Variants in MCPH1 observed in about 807,000 individuals in gnomAD.
MCPH1 encodes microcephalin 1, also known as microcephalin.
In MCPH1, 104 loss-of-function variants were observed where a neutral mutation model predicts 84.5. The observed-to-expected ratio is 1.23, with a 90% CI of 1.05 to 1.45. The LOEUF (loss-of-function observed/expected upper bound fraction) is 1.45. MCPH1 is among the 40% of genes most tolerant of loss of function. The probability of loss-of-function intolerance (pLI) is 0.00; values close to 1 mark genes in which losing one functional copy is unlikely to be tolerated. For synonymous variants in MCPH1, 514 were observed against 366.8 expected, an observed-to-expected ratio of 1.40 and a Z score of -4.58; for missense variants, 1,498 against 1,005.7, an observed-to-expected ratio of 1.49 and a Z score of -6.62.
At chr8:6,461,054 A>T (rs1446548318) in intron 9 of MCPH1, among the ~76,000 whole-genome samples, 1 of 152,166 alleles carries the variant, frequency 6.6e-6, no homozygotes, top group Non-Finnish European at 1.5e-5. Context: ...AGGCCAACTC[A>T]AGAGAAATGA....
At chr8:6,590,632 G>A (rs1025594808) in intron 12 of MCPH1, among the ~76,000 whole-genome samples, 7 of 152,190 alleles carry the variant, frequency 4.6e-5, no homozygotes, top group Non-Finnish European at 1.0e-4. Flanking sequence ...ATTGTCACAA[G>A]CAATAGCTTA....
intron 12 of MCPH1, among the ~76,000 whole-genome samples, chr8:6,536,383 C>T (rs1424561044): frequency 7.0e-6 from 1 of 142,660 alleles, no homozygotes; most frequent in Non-Finnish European, 1.5e-5. Flanking sequence ...CCAGAGGCCG[C>T]TTCATACTTT....
chr8:6,542,384 G>T (rs1446665590), intron 12 of MCPH1, among the ~76,000 whole-genome samples: 4 of 152,046 alleles, frequency 2.6e-5, no homozygotes, highest in African/African-American at 4.8e-5. Context: ...ACTTGTGTGT[G>T]TGTGTTTCAG....
chr8:6,620,601 C>T (rs1036474438), intron 12 of MCPH1, among the ~76,000 whole-genome samples: 5 of 152,148 alleles, frequency 3.3e-5, no homozygotes, highest in Admixed American at 6.5e-5. Flanking sequence ...TTGTGTGAAC[C>T]ATTAATTTCA....
At chr8:6,568,442 T>C in intron 12 of MCPH1, among the ~76,000 whole-genome samples, 1 of 152,306 alleles carries the variant, frequency 6.6e-6, no homozygotes, top group East Asian at 1.9e-4. Flanking sequence ...CCCCCAGCTA[T>C]GGGTTGCCAA....
In MCPH1 at chr8:6,506,720, A is replaced by G. The variant is rs151275414; in HGVS notation, c.2214+6791A>G. 3.5e-3 allele frequency among the ~76,000 whole-genome samples: 538 copies of G among 151,962 alleles called. 1 individual carries two copies. Among genetic ancestry groups the G allele is most frequent in the African/African-American group, 0.011 (469 of 41,464 alleles). On this transcript the variant is annotated intron_variant, in intron 12 of 13. Transcript: ENST00000344683. ...CTCATTGGTGTAATAATGGTGTAAC[A>G]TAGGGAGGACCTGTGGTACCAAATA...
intron 12 of MCPH1, among the ~76,000 whole-genome samples, chr8:6,594,324 C>T (rs1427970691): frequency 6.6e-6 from 1 of 152,206 alleles, no homozygotes; most frequent in Non-Finnish European, 1.5e-5. Flanking sequence ...TTACCCAGGG[C>T]ACCTCTGGAC....
intron 11 of MCPH1, among the ~76,000 whole-genome samples, chr8:6,486,443 T>A (rs1376899426): frequency 6.6e-6 from 1 of 152,168 alleles, no homozygotes; most frequent in Non-Finnish European, 1.5e-5. Flanking sequence ...TTTCAGGGTT[T>A]GTGTGGTATT....
intron 9 of MCPH1, chr8:6,474,031 A>G (rs535113499): frequency 8.4e-6 from 7 of 835,042 alleles, no homozygotes; most frequent in African/African-American, 1.7e-5. Context: ...TCTCATTATA[A>G]CCCCTCATTT....
intron 12 of MCPH1, among the ~76,000 whole-genome samples, chr8:6,569,841 A>G (rs1376972165): frequency 2.0e-5 from 3 of 152,192 alleles, no homozygotes; most frequent in Non-Finnish European, 4.4e-5. Context: ...GACAGAAGCC[A>G]TTTCACTGCC....
At chr8:6,516,081 C>T (rs1173754706) in intron 12 of MCPH1, among the ~76,000 whole-genome samples, 1 of 152,144 alleles carries the variant, frequency 6.6e-6, no homozygotes, top group Non-Finnish European at 1.5e-5. Context: ...GTATTGCCTT[C>T]CCCAGTGGCA....
chr8:6,529,770 A>C (rs557411357), intron 12 of MCPH1, among the ~76,000 whole-genome samples: 3 of 151,844 alleles, frequency 2.0e-5, no homozygotes, highest in Non-Finnish European at 4.4e-5. Flanking sequence ...CAGCTGGCTC[A>C]GCCATTTTCA....
rs55804146 is a variant in MCPH1 at position 6,562,552 on chromosome 8, CTTTTT to C, written c.2215-58887_2215-58883del. 6.6e-3 allele frequency: 484 copies of C among 73,636 alleles called. 3 individuals are homozygous for C. The highest frequency in any genetic ancestry group is 0.035 in the East Asian group (212 of 5,980). The allele number at this position is 73,636 out of a possible 1,614,324, so 4.6% of individuals were successfully genotyped here. On this transcript the variant is annotated intron_variant, in intron 12 of 13. Transcript: ENST00000344683. ...AGCTCTAATCCTCTTCATCCTCCTTCTTTTTTTTTTTTTTTTTTTGGTTGTTAAAA... is the reference window on the plus strand; with the variant it reads ...AGCTCTAATCCTCTTCATCCTCCTTCTTTTTTTTTTTTTTGGTTGTTAAAA...
intron 9 of MCPH1, among the ~76,000 whole-genome samples, chr8:6,475,925 G>C (rs73196802): frequency 0.12 from 18,390 of 152,122 alleles, 1,233 homozygotes; most frequent in Middle Eastern, 0.24. Context: ...AGGTGTATAA[G>C]GCAGATCCCT....
At chr8:6,430,804 A>C (rs1460160612) in intron 3 of MCPH1, among the ~76,000 whole-genome samples, 3 of 152,200 alleles carry the variant, frequency 2.0e-5, no homozygotes, top group Non-Finnish European at 4.4e-5. Context: ...TTTAAGATTA[A>C]TATTTCAGGA....
chr8:6,432,705 G>A (rs1802021684), intron 4 of MCPH1, among the ~76,000 whole-genome samples: 1 of 152,184 alleles, frequency 6.6e-6, no homozygotes, highest in Middle Eastern at 3.2e-3. Flanking sequence ...CCTGAAAATA[G>A]TAAATGATAT....
At chr8:6,446,014 T>A (rs541961311) in intron 8 of MCPH1, 64 of 979,646 alleles carry the variant, frequency 6.5e-5, no homozygotes, top group Non-Finnish European at 7.6e-5. Flanking sequence ...AAAACTACTT[T>A]TAGAAATCTG....
intron 12 of MCPH1, chr8:6,513,582 C>T (rs1242424951): frequency 7.7e-5 from 73 of 943,748 alleles, no homozygotes; most frequent in Non-Finnish European, 4.6e-6. Flanking sequence ...ATCTGCCCAC[C>T]TCGGCCTCCC....
Position 6,445,314 on chromosome 8 carries a change from A to C in MCPH1, c.1592A>C (p.Asp531Ala). Residue 531 changes from aspartate (D) to alanine (A), a missense_variant, in exon 8 of 14, where the codon GAC (aspartate) becomes GCC (alanine). Physicochemically the swap from Asp to Ala is moderately radical, Grantham distance 126. Transcript: ENST00000344683. ...EGNGFSYTIE[D>A]PALPKGHDDD... is the part of the protein sequence containing the mutation. Reference sequence around the variant, plus strand: ...AATGGCTTTTCTTACACCATTGAGGACCCTGCTCTTCCAAAAGGACATGAT... The same window carrying C: ...AATGGCTTTTCTTACACCATTGAGGCCCCTGCTCTTCCAAAAGGACATGAT... The C allele has an allele frequency of 6.2e-7, 1 of 1,614,232 alleles. No homozygotes were observed.
Sources: allele counts gnomAD v4.1 joint callset (sites outside exome capture counted in the v4.1 genomes callset), GRCh38; gene constraint gnomAD v4.1.1; transcripts MANE v1.5; gene names NCBI Gene and HGNC (gene_info 2026-07-23, HGNC 2026-07-21).